LRFN5: variants seen among roughly 807,000 people sequenced by gnomAD.
LRFN5 encodes the protein leucine rich repeat and fibronectin type III domain containing 5, also known as leucine-rich repeat and fibronectin type-III domain-containing protein 5.
In LRFN5, 24 loss-of-function variants were observed where a neutral mutation model predicts 45.6. The ratio of observed to expected loss-of-function variants is 0.53; its 90% CI spans 0.38 to 0.74. The LOEUF (loss-of-function observed/expected upper bound fraction) is 0.74. Among genes scored for constraint, LRFN5 ranks in the 30% least tolerant of loss-of-function variants. The pLI, the probability that LRFN5 is intolerant of heterozygous loss-of-function variation, is 0.00. For synonymous variants in LRFN5, 340 were observed against 313.8 expected (o/e 1.08, Z -0.88); for missense variants, 776 against 861.5 (o/e 0.90, Z 1.24).
At chr14:41,781,598 A>AAGAAAG (rs1886507148) in intron 2 of LRFN5, among the ~76,000 whole-genome samples, 1 of 91,144 alleles carries the variant, frequency 1.1e-5, no homozygotes, top group African/African-American at 5.2e-5. Flanking sequence ...GAAAGAAAGA[A>AAGAAAG]AGAAAGAAAG....
chr14:41,669,793 A>G (rs1435055003), intron 1 of LRFN5, among the ~76,000 whole-genome samples: 3 of 151,962 alleles, frequency 2.0e-5, no homozygotes, highest in African/African-American at 7.2e-5. Context: ...ATCAGAAATA[A>G]TTTAAATTTC....
rs1887507965 is a variant in LRFN5, at chr14:41,606,992, G to C, written c.-1767G>C. Reference sequence around the variant, plus strand: ...CAGCTCCCGGGTCCGCCCCGGCCGCGGCCGCAGCCCCGGACCTCGGCTGCT... The same window carrying C: ...CAGCTCCCGGGTCCGCCCCGGCCGCCGCCGCAGCCCCGGACCTCGGCTGCT... On this transcript the variant is annotated 5_prime_UTR_variant, in exon 1 of 6. Transcript: ENST00000298119. Among the ~76,000 whole-genome samples the C allele has an allele frequency of 6.6e-6, 1 of 152,040 alleles. No individual in the cohort carries two copies. The highest frequency in any genetic ancestry group is 2.4e-5 in the African/African-American group (1 of 41,428).
chr14:41,819,897 T>G (rs1399094872), intron 2 of LRFN5, among the ~76,000 whole-genome samples: 1 of 152,058 alleles, frequency 6.6e-6, no homozygotes, highest in Non-Finnish European at 1.5e-5. Context: ...GAGCCTTTTT[T>G]CATATGTTCA....
intron 1 of LRFN5, among the ~76,000 whole-genome samples, chr14:41,629,041 T>A (rs1464784171): frequency 6.6e-6 from 1 of 152,176 alleles, no homozygotes; most frequent in Non-Finnish European, 1.5e-5. Flanking sequence ...AAAGTAGATA[T>A]TTGTAGATAT....
intron 2 of LRFN5, among the ~76,000 whole-genome samples, chr14:41,882,670 G>A (rs1339249313): frequency 6.6e-6 from 1 of 151,950 alleles, no homozygotes; most frequent in Non-Finnish European, 1.5e-5. Flanking sequence ...TTTTCTCACT[G>A]CTGCTATTGG....
intron 1 of LRFN5, among the ~76,000 whole-genome samples, chr14:41,720,329 A>G (rs890142901): frequency 1.6e-4 from 25 of 152,060 alleles, no homozygotes; most frequent in Admixed American, 9.2e-4. Context: ...TCTTTATCCA[A>G]TCCACTGTTG....
At chr14:41,861,518 C>A (rs927221751) in intron 2 of LRFN5, among the ~76,000 whole-genome samples, 7 of 152,112 alleles carry the variant, frequency 4.6e-5, no homozygotes, top group African/African-American at 1.4e-4. Flanking sequence ...TTCATTTTAG[C>A]AAATATTATG....
chr14:41,839,858 G>A (rs1888798206), intron 2 of LRFN5, among the ~76,000 whole-genome samples: 1 of 152,054 alleles, frequency 6.6e-6, no homozygotes, highest in Non-Finnish European at 1.5e-5. Flanking sequence ...AGCATGCTGT[G>A]TGCACATATT....
chr14:41,856,492 G>C (rs953033735), intron 2 of LRFN5, among the ~76,000 whole-genome samples: 10 of 151,776 alleles, frequency 6.6e-5, no homozygotes, highest in African/African-American at 2.4e-4. Flanking sequence ...GGTGGAGGCA[G>C]TAATGGAAGA....
chr14:41,895,121 A>G, intron 4 of LRFN5: 1 of 859,382 alleles, frequency 1.2e-6, no homozygotes, highest in Non-Finnish European at 1.4e-6. Flanking sequence ...TTTTTTTAAA[A>G]TTGTGTTCCT....
chr14:41,868,827 T>C (rs1268931874), intron 2 of LRFN5, among the ~76,000 whole-genome samples: 1 of 152,142 alleles, frequency 6.6e-6, no homozygotes, highest in African/African-American at 2.4e-5. Context: ...AATGAGTAAT[T>C]ATAAAATGAC....
At chr14:41,641,382 C>A (rs781123691) in intron 1 of LRFN5, among the ~76,000 whole-genome samples, 4 of 151,924 alleles carry the variant, frequency 2.6e-5, no homozygotes, top group African/African-American at 9.7e-5. Flanking sequence ...CAATTTTTCC[C>A]GTACCATTTT....
At chr14:41,873,959 T>G (rs1890106992) in intron 2 of LRFN5, among the ~76,000 whole-genome samples, 1 of 152,176 alleles carries the variant, frequency 6.6e-6, no homozygotes, top group Non-Finnish European at 1.5e-5. Flanking sequence ...CTTTCAGAAT[T>G]TCAAGGAAAA....
chr14:41,780,889 T>A (rs1038799942), intron 2 of LRFN5, among the ~76,000 whole-genome samples: 1 of 152,112 alleles, frequency 6.6e-6, no homozygotes, highest in African/African-American at 2.4e-5. Context: ...TTACCATAAA[T>A]TATTTACTTT....
At position 41,904,289 on chromosome 14, in the gene LRFN5, A is replaced by AC; in HGVS notation, c.*114_*115insC. On this transcript the variant is annotated 3_prime_UTR_variant, in exon 6 of 6. Coordinates refer to ENST00000298119, the MANE Select transcript of LRFN5 (RefSeq NM_152447.5). Reference sequence around the variant, plus strand: ...CTAATTGTTGAACTGGTGTCGTAGAAGAAATTGTCTACAGGAGCCAAGGTG... The same window carrying AC: ...CTAATTGTTGAACTGGTGTCGTAGAACGAAATTGTCTACAGGAGCCAAGGTG... 1 of 1,270,528 alleles carries AC rather than the reference A, an allele frequency of 7.9e-7. No homozygotes were observed. The highest frequency in any genetic ancestry group is 1.7e-5 in the Admixed American group (1 of 58,232). 78.7% of individuals were successfully genotyped at this position (1,270,528 alleles called of 1,614,324 possible).
intron 1 of LRFN5, among the ~76,000 whole-genome samples, chr14:41,705,647 A>G (rs187980247): frequency 2.0e-3 from 301 of 152,142 alleles, no homozygotes; most frequent in African/African-American, 6.6e-3. Flanking sequence ...TTCTTTATCC[A>G]TATCATACTC....
intron 1 of LRFN5, among the ~76,000 whole-genome samples, chr14:41,759,869 G>T (rs1885583917): frequency 6.6e-6 from 1 of 152,182 alleles, no homozygotes; most frequent in Non-Finnish European, 1.5e-5. Flanking sequence ...TGCTAAGATT[G>T]CAGTCCTGAA....
chr14:41,899,966 G>T (rs1434977657), intron 5 of LRFN5, among the ~76,000 whole-genome samples: 1 of 152,052 alleles, frequency 6.6e-6, no homozygotes, highest in Non-Finnish European at 1.5e-5. Flanking sequence ...CTGCATGAAG[G>T]TGTCTTGTTT....
At chr14:41,669,441 TA>T (rs1284466791) in intron 1 of LRFN5, among the ~76,000 whole-genome samples, 1 of 152,046 alleles carries the variant, frequency 6.6e-6, no homozygotes, top group East Asian at 1.9e-4. Context: ...CAAGAAAATG[TA>T]AAATAGTTAT....
Sources: gnomAD v4.1 joint callset for allele counts (sites outside exome capture counted in the v4.1 genomes callset) on GRCh38, gnomAD v4.1.1 for gene constraint, MANE v1.5 for transcripts, NCBI Gene and HGNC (gene_info 2026-07-23, HGNC 2026-07-21) for gene names.